The following DENND1A variants were observed in gnomAD, a reference collection of about 807,000 sequenced individuals.
DENND1A encodes DENN domain-containing protein 1A.
A neutral mutation model predicts 113.7 loss-of-function variants in DENND1A; 51 were observed. The ratio of observed to expected loss-of-function variants is 0.45; its 90% confidence interval spans 0.36 to 0.57. The LOEUF (loss-of-function observed/expected upper bound fraction) is 0.57, where lower values mean the gene tolerates loss of function less well. DENND1A is among the 20% of genes least tolerant of loss of function. DENND1A has a pLI of 0.00. For synonymous variants in DENND1A, 565 were observed against 570.8 expected, an observed-to-expected ratio of 0.99 and a Z score of 0.14; for missense variants, 1,258 against 1,395.9, an observed-to-expected ratio of 0.90 and a Z score of 1.57.
chr9:123,504,955 C>T (rs191870397), intron 13 of DENND1A, among the ~76,000 whole-genome samples: 109 of 152,310 alleles, frequency 7.2e-4, no homozygotes, highest in Non-Finnish European at 3.2e-4. Flanking sequence ...GAAAAGACTA[C>T]AAGAAAGCGG....
At chr9:123,743,938 T>C (rs2069241810) in intron 5 of DENND1A, among the ~76,000 whole-genome samples, 2 of 152,144 alleles carry the variant, frequency 1.3e-5, no homozygotes, top group African/African-American at 4.8e-5. Context: ...CGTAAGTCCG[T>C]TTCACAAACT....
chr9:123,665,152 G>A (rs2063433855), intron 8 of DENND1A, among the ~76,000 whole-genome samples: 1 of 152,172 alleles, frequency 6.6e-6, no homozygotes, highest in Non-Finnish European at 1.5e-5. Context: ...AGCATGTTAT[G>A]TAAGAGCTCA....
At chr9:123,725,878 C>A (rs575279171) in intron 5 of DENND1A, among the ~76,000 whole-genome samples, 2 of 152,180 alleles carry the variant, frequency 1.3e-5, no homozygotes, top group African/African-American at 2.4e-5. Flanking sequence ...ACCTACGTGG[C>A]CCCTTATAAA....
chr9:123,848,524 C>T (rs1352158726), intron 2 of DENND1A, among the ~76,000 whole-genome samples: 1 of 152,082 alleles, frequency 6.6e-6, no homozygotes, highest in Non-Finnish European at 1.5e-5. Flanking sequence ...CTTTCTCTTC[C>T]TTGGGCCTCC....
At chr9:123,838,136 T>C (rs1228673884) in intron 2 of DENND1A, among the ~76,000 whole-genome samples, 2 of 152,284 alleles carry the variant, frequency 1.3e-5, no homozygotes, top group Middle Eastern at 6.8e-3. Flanking sequence ...AGAGCTATTA[T>C]AGACACAGGC....
Position 123,472,993 on chromosome 9 carries a change from C to T in DENND1A, c.994-15096G>A, listed in dbSNP as rs1344241677. 3.9e-5 allele frequency among the ~76,000 whole-genome samples: 6 copies of T among 152,208 alleles called. No individual in the cohort carries two copies. The East Asian group carries it at 9.6e-4, about 24-fold the overall frequency. On this transcript the variant is annotated intron_variant, in intron 13 of 23. Coordinates refer to ENST00000394215, the MANE Select transcript of DENND1A (RefSeq NM_001352964.2). Reference sequence around the variant, plus strand: ...GCTGGGTCAGTGTCCCTCCTCTGGGCTCTGCAGCCCTACGCTCACCTCTGC... The same window carrying T: ...GCTGGGTCAGTGTCCCTCCTCTGGGTTCTGCAGCCCTACGCTCACCTCTGC...
intron 3 of DENND1A, among the ~76,000 whole-genome samples, chr9:123,775,988 C>A (rs1830417097): frequency 6.6e-6 from 1 of 152,136 alleles, no homozygotes. Context: ...TAAACCAATA[C>A]AACCAAAGGA....
rs912884923 is a variant in DENND1A at position 123,658,780 on chromosome 9, G to GA, written c.508-6658dup. On this transcript the variant is annotated intron_variant, in intron 8 of 23. Transcript: ENST00000394215. Reference sequence around the variant, plus strand: ...TCTGTTCTGGGTACAGTGCTACTGTGAAAAAAAATACTGATCCCTGTCCTT... The same window carrying GA: ...TCTGTTCTGGGTACAGTGCTACTGTGAAAAAAAAATACTGATCCCTGTCCTT... 7.2e-5 allele frequency among the ~76,000 whole-genome samples: 11 copies of GA among 151,824 alleles called. No homozygotes were observed. The East Asian group carries it at 9.7e-4, about 13-fold the overall frequency.
Position 123,523,474 on chromosome 9 carries a change from A to G in DENND1A, c.993+34096T>C, listed in dbSNP as rs1158945809. ...AGAGATCTGAACTCAAGTCATCCCA[A>G]TTAAGGAACCTGTAGTATTTGTGTG... is the stretch of plus-strand genomic sequence containing the variant. On this transcript the variant is annotated intron_variant, in intron 13 of 23. Transcript: ENST00000394215. Among the ~76,000 whole-genome samples, 4 of 152,358 alleles carry G rather than the reference A, an allele frequency of 2.6e-5. No homozygotes were observed. The East Asian group carries it at 5.8e-4, about 22-fold the overall frequency.
At chr9:123,586,375 A>G (rs2059163667) in intron 11 of DENND1A, among the ~76,000 whole-genome samples, 2 of 151,976 alleles carry the variant, frequency 1.3e-5, no homozygotes, top group African/African-American at 4.8e-5. Context: ...TAGGCTTTTG[A>G]TTTCTTCCCA....
intron 2 of DENND1A, among the ~76,000 whole-genome samples, chr9:123,876,387 A>T (rs1356213019): frequency 2.0e-5 from 3 of 152,234 alleles, no homozygotes; most frequent in African/African-American, 7.2e-5. Flanking sequence ...AACTGACATT[A>T]TATCAATATT....
At chr9:123,445,361 C>T (rs2047226788) in intron 18 of DENND1A, among the ~76,000 whole-genome samples, 1 of 152,232 alleles carries the variant, frequency 6.6e-6, no homozygotes, top group Non-Finnish European at 1.5e-5. Flanking sequence ...GGGCATTCCA[C>T]CCCTGGGCTG....
In DENND1A at chr9:123,432,229, C is replaced by T. The variant is rs568678573; in HGVS notation, c.1488+8131G>A. Among the ~76,000 whole-genome samples, 341 of 152,312 alleles carry T rather than the reference C, an allele frequency of 2.2e-3. 2 individuals carry two copies. Among genetic ancestry groups the T allele is most frequent in the Non-Finnish European group, 3.5e-3 (241 of 68,040 alleles). On this transcript the variant is annotated intron_variant, in intron 19 of 23. Transcript: ENST00000394215. ...TTTTTGATTGGCAAGTTTTTCCTCCCGAAATCAAATATGTCTGCTCAAAGG... is the reference window on the plus strand; with the variant it reads ...TTTTTGATTGGCAAGTTTTTCCTCCTGAAATCAAATATGTCTGCTCAAAGG...
At chr9:123,463,233 C>G (rs559382784) in intron 13 of DENND1A, among the ~76,000 whole-genome samples, 1 of 152,324 alleles carries the variant, frequency 6.6e-6, no homozygotes, top group South Asian at 2.1e-4. Flanking sequence ...TAAAACACAG[C>G]TGCTTAACCC....
At position 123,828,199 on chromosome 9, in the gene DENND1A, A is replaced by T. The variant is rs553742564; in HGVS notation, c.89-35569T>A. 4.7e-4 allele frequency among the ~76,000 whole-genome samples: 71 copies of T among 152,288 alleles called. 1 individual carries two copies. The South Asian group carries it at 0.014, about 30-fold the overall frequency. On this transcript the variant is annotated intron_variant, in intron 2 of 23. Transcript: ENST00000394215. ...GAAGACAGGGAGGGGAAGAAAGTTT[A>T]AAAAGATTGAGAGTTTTGCATAAAA... is the stretch of plus-strand genomic sequence containing the variant.
At chr9:123,519,053 G>A (rs534558555) in intron 13 of DENND1A, among the ~76,000 whole-genome samples, 1 of 152,170 alleles carries the variant, frequency 6.6e-6, no homozygotes, top group East Asian at 1.9e-4. Flanking sequence ...CCCTCCTAGG[G>A]GCCGTGTTGC....
intron 10 of DENND1A, among the ~76,000 whole-genome samples, chr9:123,626,085 G>A (rs1045409732): frequency 2.0e-5 from 3 of 151,750 alleles, no homozygotes; most frequent in Admixed American, 2.0e-4. Context: ...TGGAGATGGC[G>A]ATCTCACAAT....
chr9:123,577,270 A>G (rs1184216256), intron 12 of DENND1A, among the ~76,000 whole-genome samples: 1 of 151,986 alleles, frequency 6.6e-6, no homozygotes. Context: ...TCTTAATCCC[A>G]TAAGTGATTT....
intron 13 of DENND1A, among the ~76,000 whole-genome samples, chr9:123,528,552 A>G (rs764265011): frequency 1.1e-4 from 16 of 152,126 alleles, no homozygotes; most frequent in Non-Finnish European, 2.9e-5. Flanking sequence ...AATCTCCCTC[A>G]GATGTGTTCT....
Sources: allele counts gnomAD v4.1 joint callset (sites outside exome capture counted in the v4.1 genomes callset), GRCh38; gene constraint gnomAD v4.1.1; transcripts MANE v1.5; gene names NCBI Gene and HGNC (gene_info 2026-07-23, HGNC 2026-07-21).